Variants in EIF4E2 observed in about 807,000 individuals in gnomAD.
The protein encoded by EIF4E2 is eukaryotic translation initiation factor 4E family member 2, also known as eukaryotic translation initiation factor 4E type 2.
In EIF4E2, 13 loss-of-function variants were observed where a neutral mutation model predicts 34.2. The ratio of observed to expected loss-of-function variants is 0.38; its 90% CI spans 0.25 to 0.60. EIF4E2 has a LOEUF of 0.60. Among genes scored for constraint, EIF4E2 ranks in the 20% least tolerant of loss-of-function variants. The pLI, the probability that EIF4E2 is intolerant of heterozygous loss-of-function variation, is 0.62. For synonymous variants in EIF4E2, 100 were observed against 106.6 expected, an observed-to-expected ratio of 0.94 and a Z score of 0.38; for missense variants, 222 against 315.1, an observed-to-expected ratio of 0.70 and a Z score of 2.24.
downstream of EIF4E2, among the ~76,000 whole-genome samples, chr2:232,572,171 G>T (rs998865806): frequency 1.3e-5 from 2 of 152,142 alleles, no homozygotes; most frequent in African/African-American, 4.8e-5. Flanking sequence ...TTAAAAGAAG[G>T]AAGTTTTAAT....
At chr2:232,564,543 C>T (rs537981813) in intron 4 of EIF4E2, among the ~76,000 whole-genome samples, 192 bp downstream of exon 4, 2 of 152,346 alleles carry the variant, frequency 1.3e-5, no homozygotes, top group East Asian at 3.9e-4. Context: ...CTCCGCCTCC[C>T]AGGTTCACGC....
At chr2:232,552,955 C>T (rs1692397992) in intron 1 of EIF4E2, among the ~76,000 whole-genome samples, 2 of 152,186 alleles carry the variant, frequency 1.3e-5, no homozygotes, top group Admixed American at 1.3e-4. Context: ...ACATTGCTCT[C>T]TCTAGTAATC....
At chr2:232,562,447 G>A (rs1431600244) in intron 3 of EIF4E2, among the ~76,000 whole-genome samples, 6 of 151,328 alleles carry the variant, frequency 4.0e-5, no homozygotes, top group African/African-American at 4.9e-5. Flanking sequence ...TTAGCCAGGC[G>A]TGGTGGTGTG....
rs1474714124 is a variant in EIF4E2, at chr2:232,566,751, C to G, written c.376-78C>G. The G allele has an allele frequency of 6.5e-7, 1 of 1,535,248 alleles. No homozygotes were observed. The highest frequency in any genetic ancestry group is 1.2e-5 in the South Asian group (1 of 85,050). The stretch of plus-strand genomic sequence containing the variant: ...ATGACTTCTTAGTGTTTAAGAGATT[C>G]TTGGCTTTTTACTGCCTTCATACAA... On this transcript the variant is annotated intron_variant, in intron 4 of 6. Coordinates refer to ENST00000258416, the MANE Select transcript of EIF4E2 (RefSeq NM_004846.4). The surrounding 1 kb of genome is among the most constrained non-coding windows in gnomAD (Gnocchi z 4.9).
At chr2:232,563,141 T>C (rs1291210458) in intron 3 of EIF4E2, among the ~76,000 whole-genome samples, 1 of 152,260 alleles carries the variant, frequency 6.6e-6, no homozygotes, top group African/African-American at 2.4e-5. Flanking sequence ...CTCAGCAGTT[T>C]AGCAGATACC....
At chr2:232,562,479 G>A (rs188992926) in intron 3 of EIF4E2, among the ~76,000 whole-genome samples, 2 of 151,576 alleles carry the variant, frequency 1.3e-5, no homozygotes, top group African/African-American at 2.4e-5. Flanking sequence ...CCAGCTACTC[G>A]GGAGGCTGAG....
At chr2:232,561,629 C>G (rs1298992286) in intron 3 of EIF4E2, among the ~76,000 whole-genome samples, 1 of 152,152 alleles carries the variant, frequency 6.6e-6, no homozygotes, top group Non-Finnish European at 1.5e-5. Context: ...AGCAGTGTTT[C>G]CCAGTGATTC....
intron 1 of EIF4E2, among the ~76,000 whole-genome samples, chr2:232,555,196 G>A (rs1006783621): frequency 2.0e-5 from 3 of 152,348 alleles, no homozygotes; most frequent in Non-Finnish European, 2.9e-5. Flanking sequence ...TTATGTGTCA[G>A]CATAGGGTAG....
chr2:232,567,414 T>A (rs1415966823), intron 6 of EIF4E2, 200 bp downstream of exon 6: 1 of 1,383,310 alleles, frequency 7.2e-7, no homozygotes, highest in Admixed American at 3.4e-5. Flanking sequence ...CCAGGTGCTT[T>A]GTAGCAGAGA....
chr2:232,561,938 G>A (rs1407474709), intron 3 of EIF4E2, among the ~76,000 whole-genome samples: 2 of 151,852 alleles, frequency 1.3e-5, no homozygotes, highest in Non-Finnish European at 2.9e-5. Context: ...TCTCAGGCCA[G>A]GCACAGTAGC....
At chr2:232,579,834 AAG>A (rs1241012252) in intron 6 of EIF4E2, among the ~76,000 whole-genome samples, 1 of 152,120 alleles carries the variant, frequency 6.6e-6, no homozygotes, top group Non-Finnish European at 1.5e-5. Flanking sequence ...TTTAAAATCA[AAG>A]AGAAATAATG....
intron 6 of EIF4E2, among the ~76,000 whole-genome samples, chr2:232,577,016 C>G (rs1693238559): frequency 6.6e-6 from 1 of 152,122 alleles, no homozygotes; most frequent in South Asian, 2.1e-4. Context: ...TAAGTGTTGC[C>G]CTTTTAACTA....
intron 6 of EIF4E2, among the ~76,000 whole-genome samples, chr2:232,577,537 ACTTGTC>A (rs1211648720): frequency 2.0e-5 from 3 of 152,162 alleles, no homozygotes; most frequent in African/African-American, 7.2e-5. Context: ...CAGAGTTGGA[ACTTGTC>A]CATTTCTCTA....
chr2:232,562,577 C>T (rs771261067), intron 3 of EIF4E2, among the ~76,000 whole-genome samples: 4 of 152,030 alleles, frequency 2.6e-5, no homozygotes, highest in Admixed American at 1.3e-4. Context: ...ACAAAAAGAG[C>T]GAAACTCCAT....
intron 2 of EIF4E2, among the ~76,000 whole-genome samples, chr2:232,557,076 C>T (rs1692548441): frequency 6.6e-6 from 1 of 152,172 alleles, no homozygotes; most frequent in South Asian, 2.1e-4. Flanking sequence ...AAAACCCCAT[C>T]TCTACTAAAA....
downstream of EIF4E2, chr2:232,574,132 C>A: frequency 1.1e-6 from 1 of 942,342 alleles, no homozygotes; most frequent in Non-Finnish European, 1.7e-6. Context: ...CTGCTCTGCT[C>A]CCAGGTACCT....
intron 3 of EIF4E2, among the ~76,000 whole-genome samples, chr2:232,563,652 C>T (rs1453967354): frequency 6.6e-6 from 1 of 152,012 alleles, no homozygotes; most frequent in Non-Finnish European, 1.5e-5. Flanking sequence ...ATGTGTGGTA[C>T]ATGTGGTTGA....
intron 3 of EIF4E2, among the ~76,000 whole-genome samples, chr2:232,560,193 C>T (rs572433549): frequency 5.1e-4 from 77 of 152,244 alleles, no homozygotes; most frequent in South Asian, 8.3e-4. Context: ...ATCTCTTCAT[C>T]GTATCCTTTG....
chr2:232,561,430 G>T (rs955016955), intron 3 of EIF4E2, among the ~76,000 whole-genome samples: 2 of 152,196 alleles, frequency 1.3e-5, no homozygotes, highest in Middle Eastern at 3.4e-3. Context: ...GACTATCTTG[G>T]GTTAAGGCTT....
Sources: gnomAD v4.1 joint callset for allele counts (sites outside exome capture counted in the v4.1 genomes callset) on GRCh38, gnomAD v4.1.1 for gene constraint, Gnocchi (gnomAD v3.1) non-coding constraint, MANE v1.5 for transcripts, NCBI Gene and HGNC (gene_info 2026-07-23, HGNC 2026-07-21) for gene names.